Variants in MDN1 observed in about 807,000 individuals in gnomAD.
MDN1 encodes the protein midasin AAA ATPase 1, also known as midasin.
Under a neutral mutation model 669.2 loss-of-function variants are expected in MDN1, and 266 were observed. That is an observed-to-expected ratio of 0.40 (90% CI 0.36 to 0.44). The LOEUF (loss-of-function observed/expected upper bound fraction) is 0.44, where lower values mean the gene tolerates loss of function less well. MDN1 is among the 20% of genes least tolerant of loss of function. The pLI is 1.00. For missense variants in MDN1, 5,940 were observed against 6,754.0 expected (o/e 0.88, Z 4.22); for synonymous variants, 2,385 against 2,457.1 (o/e 0.97, Z 0.87).
Position 89,701,920 on chromosome 6 carries a change from T to C in MDN1, c.8290A>G (p.Met2764Val). 1 of 1,612,212 alleles carries C rather than the reference T, an allele frequency of 6.2e-7. No individual in the cohort carries two copies. The highest frequency in any genetic ancestry group is 8.5e-7 in the Non-Finnish European group (1 of 1,179,432). The stretch of plus-strand genomic sequence containing the variant: ...GAATCTTACTTGTCTTCATAATTCA[T>C]CAGAAGTCGGGGGATCTGGTGGACC... ...HLVHQIPRLL[M>V]NYEDKYYKEV... The change falls in exon 54 of 102, where the codon ATG becomes GTG. Residue 2764 changes from methionine (M) to valine (V), a missense_variant. Physicochemically the swap from Met to Val is conservative, Grantham distance 21. Coordinates refer to ENST00000369393, the MANE Select transcript of MDN1 (RefSeq NM_014611.3).
At chr6:89,744,836 C>T (rs187407784) in intron 29 of MDN1, among the ~76,000 whole-genome samples, 18 of 152,186 alleles carry the variant, frequency 1.2e-4, no homozygotes, top group Non-Finnish European at 1.3e-4. Flanking sequence ...TGAGCCGTAT[C>T]GCACCACTGC....
intron 15 of MDN1, 146 bp from the exon 16 acceptor site, chr6:89,762,676 G>GT: frequency 1.6e-6 from 1 of 639,542 alleles, no homozygotes; most frequent in Non-Finnish European, 2.7e-6. Flanking sequence ...CTACGTTACA[G>GT]TTTTAAATTG....
intron 85 of MDN1, among the ~76,000 whole-genome samples, chr6:89,663,994 G>A (rs1267607569): frequency 6.6e-6 from 1 of 151,198 alleles, no homozygotes; most frequent in Non-Finnish European, 1.5e-5. Context: ...ACGGTATATG[G>A]TTTCTGTGTG....
At chr6:89,678,802 T>A (rs1811412939) in intron 74 of MDN1, 57 bp from the exon 75 acceptor site, 1 of 1,557,920 alleles carries the variant, frequency 6.4e-7, no homozygotes, top group Non-Finnish European at 8.7e-7. Context: ...AGGGGTCTGG[T>A]AATGTGTTTG....
chr6:89,659,020 T>C, intron 88 of MDN1, 103 bp from the exon 89 acceptor site: 1 of 1,191,600 alleles, frequency 8.4e-7, no homozygotes. Flanking sequence ...TACAATTCTC[T>C]AAACCAGCGA....
chr6:89,685,864 A>G lies in MDN1; in HGVS notation c.11682T>C (p.His3894=). 2 of 1,614,102 alleles carry G rather than the reference A, an allele frequency of 1.2e-6. No individual in the cohort carries two copies. Among genetic ancestry groups the G allele is most frequent in the South Asian group, 1.1e-5 (1 of 91,082 alleles). The change falls in exon 70 of 102, where the codon CAT becomes CAC. Residue 3894 remains histidine, a synonymous_variant. Transcript: ENST00000369393. ...CCTGTGGCATCAGCAAGACATGACA[A>G]TGGAAAACCAGTAACATCTGAAGTC... ...HVRLQMLLVF[H]CHVLLMPQVE...
At chr6:89,678,534 T>C in intron 75 of MDN1, 65 bp downstream of exon 75, 2 of 1,553,662 alleles carry the variant, frequency 1.3e-6, no homozygotes, top group Non-Finnish European at 1.8e-6. Flanking sequence ...CCAAAATCAG[T>C]CATGTCATTT....
At chr6:89,712,846 A>C in intron 47 of MDN1, 60 bp from the exon 48 acceptor site, 1 of 1,490,238 alleles carries the variant, frequency 6.7e-7, no homozygotes, top group Admixed American at 1.7e-5. Context: ...TTCCCCAAAA[A>C]CCAGCAAAGT....
chr6:89,758,708 C>A, intron 18 of MDN1, 108 bp downstream of exon 18: 3 of 1,200,110 alleles, frequency 2.5e-6, no homozygotes, highest in South Asian at 1.5e-5. Context: ...TGAACAAATT[C>A]CATTGGGAGG....
chr6:89,674,313 T>C lies in MDN1; in HGVS notation c.13038A>G (p.Gly4346=), dbSNP rs1811036241. ...GPELSKGQLC[G]VVLDLIPSNL... Reference sequence around the variant, plus strand: ...TGGAAGGAATTAGGTCCAGCACTACTCCACAAAGTTGTCCCTTGCTAAGTT... The same window carrying C: ...TGGAAGGAATTAGGTCCAGCACTACCCCACAAAGTTGTCCCTTGCTAAGTT... Residue 4346 remains glycine (G), a synonymous_variant, in exon 79 of 102, where the codon GGA becomes GGG. Coordinates refer to ENST00000369393, the MANE Select transcript of MDN1 (RefSeq NM_014611.3). 7 of 1,614,226 alleles carry C rather than the reference T, an allele frequency of 4.3e-6. No individual in the cohort carries two copies. Among genetic ancestry groups the C allele is most frequent in the Non-Finnish European group, 5.9e-6 (7 of 1,180,038 alleles).
At chr6:89,804,358 G>A (rs1767876451) in intron 1 of MDN1, among the ~76,000 whole-genome samples, 2 of 152,082 alleles carry the variant, frequency 1.3e-5, no homozygotes, top group Non-Finnish European at 2.9e-5. Context: ...TGGAGGATCA[G>A]AGTTAATTTA....
Position 89,668,132 on chromosome 6 carries a change from T to G in MDN1, c.13976A>C (p.Glu4659Ala), listed in dbSNP as rs1404653529. ...CTCTCCAGCTGAATCTTCCATAAAT[T>G]CTTTGGGCAAGCAAAATCCCTTAGA... Reference protein sequence around the residue: ...LAQKGFCLPKEFMEDSAGEGA... With the variant: ...LAQKGFCLPKAFMEDSAGEGA... The change falls in exon 84 of 102, where the codon GAA becomes GCA. Residue 4659 changes from glutamate to alanine, a missense_variant. Coordinates refer to ENST00000369393, the MANE Select transcript of MDN1 (RefSeq NM_014611.3). 2 of 1,614,110 alleles carry G rather than the reference T, an allele frequency of 1.2e-6. No individual in the cohort carries two copies. The highest frequency in any genetic ancestry group is 1.7e-6 in the Non-Finnish European group (2 of 1,179,976).
chr6:89,656,182 G>C (rs990979950), intron 91 of MDN1, among the ~76,000 whole-genome samples: 4 of 152,128 alleles, frequency 2.6e-5, no homozygotes, highest in Non-Finnish European at 1.5e-5. Flanking sequence ...TGAAGGCAAA[G>C]AAACACACTT....
intron 1 of MDN1, among the ~76,000 whole-genome samples, chr6:89,818,482 T>G (rs1036450717): frequency 1.3e-5 from 2 of 149,958 alleles, no homozygotes; most frequent in South Asian, 2.1e-4. Context: ...AAAAAAAAAT[T>G]TTTTTTTTAA....
chr6:89,661,623 A>AT, intron 87 of MDN1, 45 bp from the exon 88 acceptor site: 1 of 1,535,582 alleles, frequency 6.5e-7, no homozygotes, highest in Non-Finnish European at 8.8e-7. Context: ...AAATACAAAT[A>AT]TTTTTTTAAA....
At chr6:89,759,069 C>T (rs1269147412) in intron 17 of MDN1, 109 bp from the exon 18 acceptor site, 13 of 1,048,496 alleles carry the variant, frequency 1.2e-5, no homozygotes, top group Admixed American at 4.7e-5. Flanking sequence ...ATCTTTCCTA[C>T]TTGATGGGCC....
In MDN1 at chr6:89,713,291, G is replaced by C; in HGVS notation, c.7075C>G (p.Pro2359Ala). The change falls in exon 47 of 102, where the codon CCA becomes GCA. Residue 2359 changes from proline to alanine, a missense_variant. Pro to Ala is a conservative substitution (Grantham distance 27, BLOSUM62 -1). This residue lies in a region of MDN1 where 2,292 missense variants were observed against 2,638.3 expected (regional missense o/e 0.87). Coordinates refer to ENST00000369393, the MANE Select transcript of MDN1 (RefSeq NM_014611.3). ...TETRSTVVGS[P>A]TSSVSTLIQT... is the part of the protein sequence containing the mutation. Reference sequence around the variant, plus strand: ...ATTAGAGTTGATACAGAAGATGTTGGAGAACCTATTAAAAAAAAATTGCCA... The same window carrying C: ...ATTAGAGTTGATACAGAAGATGTTGCAGAACCTATTAAAAAAAAATTGCCA... The C allele has an allele frequency of 6.2e-7, 1 of 1,605,296 alleles. No individual in the cohort carries two copies.
chr6:89,662,123 T>C lies in MDN1; in HGVS notation c.14529A>G (p.Gly4843=), dbSNP rs753904336. The change falls in exon 87 of 102, where the codon GGA becomes GGG. Residue 4843 remains glycine (G), a synonymous_variant. Transcript: ENST00000369393. ...GTTCATTAATTTTGTCTTCACCTTG[T>C]CCACCATCATCAGCTTCTGCTTCTT... ...EKEEAEADDG[G]QGEDKINEQI... 4 of 1,613,406 alleles carry C rather than the reference T, an allele frequency of 2.5e-6. No individual in the cohort carries two copies. The South Asian group carries it at 3.3e-5, about 13-fold the overall frequency.
intron 61 of MDN1, 36 bp from the exon 62 acceptor site, chr6:89,694,219 C>T: frequency 6.5e-7 from 1 of 1,528,004 alleles, no homozygotes. Context: ...CACTGTGTCC[C>T]AGCTATGACC....
Sources: gnomAD v4.1 joint callset for allele counts (sites outside exome capture counted in the v4.1 genomes callset) on GRCh38, gnomAD v4.1.1 for gene constraint, gnomAD v4.1.1 regional missense constraint, MANE v1.5 for transcripts, NCBI Gene and HGNC (gene_info 2026-07-23, HGNC 2026-07-21) for gene names.